Variants in TIAM2 observed in about 807,000 individuals in gnomAD.
The protein encoded by TIAM2 is rho guanine nucleotide exchange factor TIAM2.
A neutral mutation model predicts 152.9 loss-of-function variants in TIAM2; 80 were observed. The observed-to-expected ratio is 0.52, with a 90% CI of 0.44 to 0.63. TIAM2 has a LOEUF of 0.63. Among genes scored for constraint, TIAM2 ranks in the 30% least tolerant of loss-of-function variants. TIAM2 has a pLI of 0.00. For synonymous variants in TIAM2, 804 were observed against 838.0 expected, an observed-to-expected ratio of 0.96 and a Z score of 0.70; for missense variants, 1,965 against 2,120.1, an observed-to-expected ratio of 0.93 and a Z score of 1.44.
At chr6:155,248,728 A>G (rs3011903) in intron 20 of TIAM2, among the ~76,000 whole-genome samples, 106,134 of 152,066 alleles carry the variant, frequency 0.7, 37,865 homozygotes, top group Non-Finnish European at 0.76. Flanking sequence ...GACACAATTT[A>G]TCAAAAACAC....
chr6:155,004,682 C>T (rs1778370801), intron 1 of TIAM2, among the ~76,000 whole-genome samples: 1 of 152,234 alleles, frequency 6.6e-6, no homozygotes, highest in South Asian at 2.1e-4. Context: ...GCATGAGCCA[C>T]TGCGCCCGGC....
chr6:155,140,214 T>C (rs1270108490), intron 5 of TIAM2, among the ~76,000 whole-genome samples: 1 of 152,162 alleles, frequency 6.6e-6, no homozygotes, highest in Non-Finnish European at 1.5e-5. Flanking sequence ...GGGCACAATA[T>C]TGCAGGAGAT....
chr6:155,114,031 TATATATTTTTTTTTTTTTC>T (rs1778932763), intron 2 of TIAM2, among the ~76,000 whole-genome samples: 1 of 52,470 alleles, frequency 1.9e-5, no homozygotes, highest in African/African-American at 7.9e-5. Flanking sequence ...TATATATATA[TATATATTTTTTTTTTTTTC>T]TTTTTTTTTT....
intron 1 of TIAM2, among the ~76,000 whole-genome samples, chr6:155,030,104 A>G (rs1019054508): frequency 2.6e-4 from 39 of 152,052 alleles, no homozygotes; most frequent in African/African-American, 9.2e-4. Flanking sequence ...GTTCTTTGAA[A>G]GTTTCATAGT....
chr6:155,025,378 A>G (rs1562293167), intron 1 of TIAM2, among the ~76,000 whole-genome samples: 1 of 151,974 alleles, frequency 6.6e-6, no homozygotes, highest in Admixed American at 6.6e-5. Flanking sequence ...TATTTTTAGT[A>G]GAGACGGGGT....
chr6:155,012,587 G>A (rs541735558), intron 1 of TIAM2, among the ~76,000 whole-genome samples: 30 of 152,094 alleles, frequency 2.0e-4, no homozygotes, highest in Non-Finnish European at 3.7e-4. Context: ...GTCTCACTCT[G>A]TAGCCCAGGC....
At position 155,129,598 on chromosome 6, in the gene TIAM2, T is replaced by C. The variant is rs550339895; in HGVS notation, c.375T>C (p.Asp125=). 8.1e-6 allele frequency: 13 copies of C among 1,614,086 alleles called. 2 individuals carry two copies. The African/African-American group carries it at 1.2e-4, about 15-fold the overall frequency. The change falls in exon 4 of 27, where the codon GAT becomes GAC. Residue 125 remains aspartate, a synonymous_variant. Coordinates refer to ENST00000682666, the MANE Select transcript of TIAM2 (RefSeq NM_012454.4). The surrounding 1 kb of genome is among the most constrained non-coding windows in gnomAD (Gnocchi z 4.8). ...GFHSVGHELA[D]NHITSRDCNG... ...ACTCTGTTGGCCACGAGCTGGCAGATAACCACATCACCTCCAGAGACTGCA... is the reference window on the plus strand; with the variant it reads ...ACTCTGTTGGCCACGAGCTGGCAGACAACCACATCACCTCCAGAGACTGCA...
chr6:155,202,233 T>C (rs953117567), intron 14 of TIAM2, among the ~76,000 whole-genome samples: 1 of 152,224 alleles, frequency 6.6e-6, no homozygotes, highest in African/African-American at 2.4e-5. Context: ...AAATGCTTTG[T>C]TTTCATTCTC....
intron 10 of TIAM2, 26 bp from the exon 11 acceptor site, chr6:155,179,013 C>G: frequency 6.4e-7 from 1 of 1,552,186 alleles, no homozygotes; most frequent in East Asian, 2.2e-5. Flanking sequence ...CATTTAAAAT[C>G]TGAATAACTG....
intron 14 of TIAM2, among the ~76,000 whole-genome samples, chr6:155,193,653 A>G (rs1049680434): frequency 2.6e-5 from 4 of 152,150 alleles, no homozygotes; most frequent in East Asian, 1.9e-4. Context: ...TTTTTCCTCA[A>G]TGCTACGATT....
intron 1 of TIAM2, chr6:155,005,197 C>T (rs1475820664): frequency 8.8e-6 from 2 of 227,136 alleles, no homozygotes; most frequent in East Asian, 1.1e-4. Flanking sequence ...CCTTTCACCT[C>T]CACCCTGGAG....
rs1776680996 is a variant in TIAM2 at position 155,028,402 on chromosome 6, A to ATATG, written c.-209+32912_-209+32913insTGTA. ...TGTGTTACATATATACTACATATAT[A>ATATG]TACTGTGTTACATATACTACATATA... On this transcript the variant is annotated intron_variant, in intron 1 of 26. Transcript: ENST00000682666. 5.9e-5 allele frequency among the ~76,000 whole-genome samples: 8 copies of ATATG among 136,712 alleles called. 1 individual carries two copies. Among genetic ancestry groups the ATATG allele is most frequent in the African/African-American group, 2.1e-4 (8 of 37,210 alleles). The allele number at this position is 136,712 out of a possible 152,430, so 89.7% of individuals were successfully genotyped here.
chr6:155,092,433 C>A (rs575273659), intron 2 of TIAM2, among the ~76,000 whole-genome samples: 114 of 151,990 alleles, frequency 7.5e-4, no homozygotes, highest in African/African-American at 2.7e-3. Context: ...TCACTTTCTT[C>A]TTATGTAAAA....
In TIAM2 at chr6:155,214,006, A is replaced by C. The variant is rs1228757094; in HGVS notation, c.3168+2699A>C. Among the ~76,000 whole-genome samples, 1 of 152,178 alleles carries C rather than the reference A, an allele frequency of 6.6e-6. No homozygotes were observed. Among genetic ancestry groups the C allele is most frequent in the African/African-American group, 2.4e-5 (1 of 41,444 alleles). On this transcript the variant is annotated intron_variant, in intron 15 of 26. Coordinates refer to ENST00000682666, the MANE Select transcript of TIAM2 (RefSeq NM_012454.4). The surrounding 1 kb of genome is among the most constrained non-coding windows in gnomAD (Gnocchi z 5.4). ...TGAGAGTGCAGAGATGTCTGGGTCC[A>C]CAGTCGCGGCTACGTGGCTGCAGCA...
intron 2 of TIAM2, among the ~76,000 whole-genome samples, chr6:155,112,022 T>A (rs1219900396): frequency 1.3e-5 from 2 of 152,148 alleles, no homozygotes; most frequent in African/African-American, 4.8e-5. Context: ...TTGTTCTAGG[T>A]TTTTGTTATT....
intron 14 of TIAM2, among the ~76,000 whole-genome samples, chr6:155,198,345 T>C (rs2115180452): frequency 6.6e-6 from 1 of 152,286 alleles, no homozygotes; most frequent in East Asian, 1.9e-4. Flanking sequence ...AAATAGCTAT[T>C]GAGTGAAAGG....
chr6:155,095,381 G>A (rs1346541154), intron 2 of TIAM2, among the ~76,000 whole-genome samples: 1 of 152,218 alleles, frequency 6.6e-6, no homozygotes, highest in Non-Finnish European at 1.5e-5. Context: ...TGGAGAGAGA[G>A]CAGGGAAGAT....
intron 19 of TIAM2, 91 bp downstream of exon 19, chr6:155,245,822 A>G (rs568530383): frequency 1.1e-6 from 1 of 893,302 alleles, no homozygotes; most frequent in African/African-American, 1.7e-5. Context: ...AGTAGAGAGT[A>G]AGTACAATTT....
In TIAM2 at chr6:155,176,669, A is replaced by G. The variant is rs115442071; in HGVS notation, c.2362-147A>G. 5.5e-3 allele frequency: 4,152 copies of G among 758,582 alleles called. 141 individuals are homozygous for G. In the African/African-American group the frequency reaches 0.067, roughly 12 times the overall value. 47.0% of individuals were successfully genotyped at this position (758,582 alleles called of 1,614,324 possible). A position where few individuals can be genotyped will look rare whatever the true frequency, so the allele number is the denominator to read the frequency against. ...ATAAAATGAGTGAGGAAACGTTGTC[A>G]GCCTCAGAGGGCTGTGAGAAGCCAG... On this transcript the variant is annotated intron_variant, in intron 9 of 26. Transcript: ENST00000682666.
Sources: gnomAD v4.1 joint callset for allele counts (sites outside exome capture counted in the v4.1 genomes callset) on GRCh38, gnomAD v4.1.1 for gene constraint, Gnocchi (gnomAD v3.1) non-coding constraint, MANE v1.5 for transcripts, NCBI Gene and HGNC (gene_info 2026-07-23, HGNC 2026-07-21) for gene names.